Variants in ARHGAP23 observed in about 807,000 individuals in gnomAD.
ARHGAP23 encodes rho GTPase-activating protein 23.
In ARHGAP23, 34 loss-of-function variants were observed where a neutral mutation model predicts 136.3. That is an observed-to-expected ratio of 0.25 (90% CI 0.19 to 0.33). The LOEUF (loss-of-function observed/expected upper bound fraction) is 0.33. Among genes scored for constraint, ARHGAP23 ranks in the 10% least tolerant of loss-of-function variants. The pLI, the probability that ARHGAP23 is intolerant of heterozygous loss-of-function variation, is 1.00. For synonymous variants in ARHGAP23, 832 were observed against 920.5 expected (o/e 0.90, Z 1.74); for missense variants, 1,808 against 2,139.0 (o/e 0.85, Z 3.05).
At chr17:38,443,917 G>A (rs1449715690) in intron 1 of ARHGAP23, among the ~76,000 whole-genome samples, 1 of 152,074 alleles carries the variant, frequency 6.6e-6, no homozygotes, top group Non-Finnish European at 1.5e-5. Flanking sequence ...GGGGGCAGGC[G>A]GAGTCACACC....
chr17:38,493,771 C>G (rs1025195258), intron 20 of ARHGAP23, among the ~76,000 whole-genome samples: 1 of 152,206 alleles, frequency 6.6e-6, no homozygotes, highest in Non-Finnish European at 1.5e-5. Context: ...AGAGGAACAG[C>G]GACTTGCCCA....
chr17:38,456,230 C>T (rs906393505), intron 1 of ARHGAP23, among the ~76,000 whole-genome samples: 11 of 152,188 alleles, frequency 7.2e-5, no homozygotes, highest in Admixed American at 1.3e-4. Context: ...GCCTCTTCCC[C>T]AGACCTGCTC....
At chr17:38,454,736 T>C (rs955079840) in intron 1 of ARHGAP23, among the ~76,000 whole-genome samples, 2 of 152,120 alleles carry the variant, frequency 1.3e-5, no homozygotes, top group African/African-American at 4.8e-5. Context: ...GTGGGCGCCA[T>C]GCCCGGCCTG....
chr17:38,509,307 C>T (rs1018453177), intron 23 of ARHGAP23, among the ~76,000 whole-genome samples: 7 of 152,066 alleles, frequency 4.6e-5, no homozygotes, highest in Admixed American at 4.6e-4. Context: ...CATACGGGAT[C>T]TTTCAGCCAC....
chr17:38,475,617 C>T (rs1454533718), intron 11 of ARHGAP23, among the ~76,000 whole-genome samples: 1 of 152,224 alleles, frequency 6.6e-6, no homozygotes, highest in African/African-American at 2.4e-5. Context: ...TGTGGAGCCA[C>T]CAGCCAGCAG....
intron 20 of ARHGAP23, among the ~76,000 whole-genome samples, chr17:38,495,293 G>T (rs1403438693): frequency 6.7e-6 from 1 of 150,190 alleles, no homozygotes; most frequent in Non-Finnish European, 1.5e-5. Flanking sequence ...GTGCAACGGC[G>T]CGGTCTCCAC....
Position 38,466,553 on chromosome 17 carries a change from C to T in ARHGAP23, c.870C>T (p.His290=). 6.8e-7 allele frequency: 1 copy of T among 1,478,990 alleles called. No homozygotes were observed. Among genetic ancestry groups the T allele is most frequent in the Non-Finnish European group, 8.9e-7 (1 of 1,121,556 alleles). 91.6% of individuals were successfully genotyped at this position (1,478,990 alleles called of 1,614,324 possible). ...SRLECQQALS[H]WLSNQVPRRA... ...TGGAGTGCCAGCAGGCCTTGTCACA[C>T]TGGCTGTCAAACCAGGTACCCCGCC... The change falls in exon 7 of 24, where the codon CAC becomes CAT. Residue 290 remains histidine (H), a synonymous_variant. Transcript: ENST00000622683.
rs2040443124 is a variant in ARHGAP23 at position 38,498,493 on chromosome 17, C to G, written c.3398C>G (p.Pro1133Arg). The change falls in exon 22 of 24, where the codon CCT becomes CGT. Residue 1133 changes from proline to arginine, a missense_variant. Pro to Arg is a moderately radical substitution (Grantham distance 103, BLOSUM62 -2). Transcript: ENST00000622683. The part of the protein sequence containing the change: ...LLPNIGRTVP[P>R]GDPGSDSTTC... The stretch of plus-strand genomic sequence containing the variant: ...CCCAACATTGGCAGGACAGTGCCCC[C>G]TGGCGACCCGGGGTCAGGTGAGCGC... The G allele has an allele frequency of 1.2e-5, 18 of 1,547,908 alleles. No homozygotes were observed. The South Asian group carries it at 2.0e-4, about 17-fold the overall frequency.
rs1183497035 is a variant in ARHGAP23 at position 38,482,154 on chromosome 17, G to C, written c.2751+11G>C. On this transcript the variant is annotated intron_variant, in intron 15 of 23. Transcript: ENST00000622683. ...GCCACGGAGAACCAGGTGAGTCTCTGCCACACGCCAGAGCAGGCCCAGCAG... is the reference window on the plus strand; with the variant it reads ...GCCACGGAGAACCAGGTGAGTCTCTCCCACACGCCAGAGCAGGCCCAGCAG... The C allele has an allele frequency of 6.5e-7, 1 of 1,547,338 alleles. No individual in the cohort carries two copies.
chr17:38,505,406 A>G (rs1390683019), intron 23 of ARHGAP23, among the ~76,000 whole-genome samples: 7 of 151,970 alleles, frequency 4.6e-5, no homozygotes, highest in Non-Finnish European at 7.4e-5. Flanking sequence ...ACAGCCTGCA[A>G]TAATCCCCGA....
At chr17:38,454,002 C>T (rs2039261933) in intron 1 of ARHGAP23, 1 of 146,650 alleles carries the variant, frequency 6.8e-6, no homozygotes, top group Admixed American at 6.8e-5. Context: ...CCGTGTGGCG[C>T]GTGGAGCGCG....
At chr17:38,472,322 A>G (rs2039779347) in intron 11 of ARHGAP23, among the ~76,000 whole-genome samples, 2 of 152,134 alleles carry the variant, frequency 1.3e-5, no homozygotes, top group Non-Finnish European at 2.9e-5. Context: ...CTCATGGAAA[A>G]CAAGGAGCAA....
chr17:38,434,425 C>T (rs555749044), intron 1 of ARHGAP23, among the ~76,000 whole-genome samples: 40 of 152,374 alleles, frequency 2.6e-4, no homozygotes, highest in African/African-American at 7.7e-4. Context: ...AAGGCAGGTC[C>T]TCTTTGAAGT....
chr17:38,492,202 C>A (rs1475153246), intron 20 of ARHGAP23, among the ~76,000 whole-genome samples: 1 of 152,168 alleles, frequency 6.6e-6, no homozygotes, highest in African/African-American at 2.4e-5. Context: ...CGCAGAAGGC[C>A]TTGGTTTTCG....
intron 7 of ARHGAP23, 84 bp downstream of exon 7, chr17:38,467,415 A>G (rs980361100): frequency 6.7e-6 from 9 of 1,343,328 alleles, no homozygotes; most frequent in Non-Finnish European, 8.9e-6. Flanking sequence ...CCTGTCTGCC[A>G]TGGGCAGAAT....
chr17:38,477,679 C>T lies in ARHGAP23; in HGVS notation c.2219C>T (p.Ala740Val), dbSNP rs534680564. Reference sequence around the variant, plus strand: ...GAGCGGCGGGAGCCCGGGCCGGCGGCGGCGGGGGCTGCGGCGGCCGGCGCA... The same window carrying T: ...GAGCGGCGGGAGCCCGGGCCGGCGGTGGCGGGGGCTGCGGCGGCCGGCGCA... ...SKERREPGPA[A>V]AGAAAAGAGE... The change falls in exon 12 of 24, where the codon GCG becomes GTG. Residue 740 changes from alanine (A) to valine (V), a missense_variant. Physicochemically the swap from Ala to Val is moderately conservative, Grantham distance 64 (BLOSUM62 0). This residue lies in a region of ARHGAP23 where 139 missense variants were observed against 264.3 expected (regional missense o/e 0.53). Transcript: ENST00000622683. The surrounding 1 kb of genome is among the most constrained non-coding windows in gnomAD (Gnocchi z 6.6). 57 of 1,316,830 alleles carry T rather than the reference C, an allele frequency of 4.3e-5. No individual in the cohort carries two copies. The East Asian group carries it at 9.6e-4, about 22-fold the overall frequency. 81.6% of individuals were successfully genotyped at this position (1,316,830 alleles called of 1,614,324 possible).
intron 20 of ARHGAP23, among the ~76,000 whole-genome samples, chr17:38,495,709 G>A (rs1056373616): frequency 7.2e-5 from 11 of 152,146 alleles, no homozygotes; most frequent in Non-Finnish European, 1.3e-4. Flanking sequence ...CATTCCCCTA[G>A]GTGCCCACTC....
intron 1 of ARHGAP23, among the ~76,000 whole-genome samples, chr17:38,443,651 G>A (rs1320778280): frequency 1.4e-5 from 2 of 138,084 alleles, no homozygotes; most frequent in African/African-American, 5.3e-5. Context: ...GTGTGAAGGG[G>A]AAGGCAGGGG....
At chr17:38,436,912 G>GCTCCCAGCC (rs2038810556) in intron 1 of ARHGAP23, among the ~76,000 whole-genome samples, 1 of 152,196 alleles carries the variant, frequency 6.6e-6, no homozygotes, top group African/African-American at 2.4e-5. Flanking sequence ...GGGTAGAATT[G>GCTCCCAGCC]CCACAGGGAT....
Sources: allele counts gnomAD v4.1 joint callset (sites outside exome capture counted in the v4.1 genomes callset), GRCh38; gene constraint gnomAD v4.1.1; regional missense constraint gnomAD v4.1.1; non-coding constraint Gnocchi (gnomAD v3.1); transcripts MANE v1.5; gene names NCBI Gene and HGNC (gene_info 2026-07-23, HGNC 2026-07-21).